COG7: variants seen among roughly 807,000 people sequenced by gnomAD.
COG7 encodes component of oligomeric golgi complex 7, also known as conserved oligomeric Golgi complex subunit 7.
A neutral mutation model predicts 91.5 loss-of-function variants in COG7; 49 were observed. That is an observed-to-expected ratio of 0.54 (90% confidence interval 0.43 to 0.68). The LOEUF (loss-of-function observed/expected upper bound fraction) is 0.68, where lower values mean the gene tolerates loss of function less well. Ranked by LOEUF, COG7 falls within the 30% of genes least tolerant of loss-of-function variation. The pLI, the probability that COG7 is intolerant of heterozygous loss-of-function variation, is 0.00. For missense variants in COG7, 895 were observed against 961.3 expected (o/e 0.93, Z 0.91); for synonymous variants, 365 against 388.7 (o/e 0.94, Z 0.72).
intron 4 of COG7, among the ~76,000 whole-genome samples, chr16:23,440,878 G>C (rs1964090048): frequency 6.6e-6 from 1 of 152,054 alleles, no homozygotes; most frequent in Non-Finnish European, 1.5e-5. Context: ...AGATACTTCA[G>C]AAAACCCCAT....
chr16:23,434,334 C>T (rs116208634), intron 5 of COG7, among the ~76,000 whole-genome samples: 195 of 152,206 alleles, frequency 1.3e-3, no homozygotes, highest in African/African-American at 4.6e-3. Context: ...TGTAATAAAG[C>T]TTAAGACATA....
chr16:23,424,205 G>A (rs1416957133), intron 7 of COG7, among the ~76,000 whole-genome samples: 4 of 149,930 alleles, frequency 2.7e-5, no homozygotes, highest in African/African-American at 9.8e-5. Flanking sequence ...GCTGAGGCAG[G>A]AGAATTGCTT....
At chr16:23,440,207 G>A (rs140710555) in intron 4 of COG7, among the ~76,000 whole-genome samples, 26 of 152,068 alleles carry the variant, frequency 1.7e-4, no homozygotes, top group African/African-American at 6.0e-4. Flanking sequence ...TGGCCAACAT[G>A]GCAAAACCCC....
intron 11 of COG7, among the ~76,000 whole-genome samples, chr16:23,408,268 T>G (rs1430488953): frequency 2.4e-4 from 1 of 4,192 alleles, no homozygotes; most frequent in African/African-American, 1.1e-3. Flanking sequence ...AGGGGGCGAG[T>G]GGGGCGGGAG....
intron 1 of COG7, among the ~76,000 whole-genome samples, chr16:23,449,255 C>T (rs1252379279): frequency 3.3e-5 from 5 of 151,646 alleles, no homozygotes; most frequent in South Asian, 2.1e-4. Flanking sequence ...CCCAGCTACT[C>T]GGGAGGCTGA....
chr16:23,442,177 T>C (rs1165727350), intron 4 of COG7, among the ~76,000 whole-genome samples: 1 of 151,822 alleles, frequency 6.6e-6, no homozygotes, highest in Non-Finnish European at 1.5e-5. Flanking sequence ...CTATTCAAAA[T>C]ACAAAAATTA....
chr16:23,405,952 T>C (rs1358030724), intron 12 of COG7, 124 bp downstream of exon 12: 2 of 829,504 alleles, frequency 2.4e-6, no homozygotes, highest in East Asian at 4.8e-5. Flanking sequence ...GACAGAGAGG[T>C]AGTAGCAGGG....
chr16:23,416,848 T>G (rs1042561312), intron 9 of COG7, 119 bp downstream of exon 9: 3 of 1,138,872 alleles, frequency 2.6e-6, no homozygotes, highest in Non-Finnish European at 3.9e-6. Flanking sequence ...AACATCCTCT[T>G]GGGTTCAGGT....
At chr16:23,436,707 C>T (rs1362724010) in intron 4 of COG7, among the ~76,000 whole-genome samples, 1 of 152,148 alleles carries the variant, frequency 6.6e-6, no homozygotes, top group African/African-American at 2.4e-5. Context: ...GCCTGGGCAA[C>T]AGAGTGTAGA....
In COG7 at chr16:23,398,048, T is replaced by G. The variant is rs755429710; in HGVS notation, c.1885A>C (p.Asn629His). 6.2e-7 allele frequency: 1 copy of G among 1,613,760 alleles called. No homozygotes were observed. Among genetic ancestry groups the G allele is most frequent in the Non-Finnish European group, 8.5e-7 (1 of 1,179,664 alleles). The change falls in exon 14 of 17, where the codon AAC becomes CAC. Residue 629 changes from asparagine (N) to histidine (H), a missense_variant and splice_region_variant. Coordinates refer to ENST00000307149, the MANE Select transcript of COG7 (RefSeq NM_153603.4). ...FSLTPLEYISNIGQYIMSLPL... is the reference protein window; with the variant it reads ...FSLTPLEYISHIGQYIMSLPL... ...GAGAAGCACACAGAAGCTCTTACGTTGCTGATGTACTCGAGAGGGGTGAGA... is the reference window on the plus strand; with the variant it reads ...GAGAAGCACACAGAAGCTCTTACGTGGCTGATGTACTCGAGAGGGGTGAGA...
At chr16:23,407,500 G>A (rs1185295152) in intron 11 of COG7, among the ~76,000 whole-genome samples, 1 of 152,208 alleles carries the variant, frequency 6.6e-6, no homozygotes, top group East Asian at 1.9e-4. Context: ...CAAAGATAGT[G>A]CTTCACAGGG....
At chr16:23,403,270 C>T (rs1304662118) in intron 13 of COG7, among the ~76,000 whole-genome samples, 2 of 152,196 alleles carry the variant, frequency 1.3e-5, no homozygotes, top group Admixed American at 1.3e-4. Flanking sequence ...CTCAAAAACA[C>T]AAGTTCAATT....
At chr16:23,434,856 T>C in intron 4 of COG7, 138 bp from the exon 5 acceptor site, 1 of 683,254 alleles carries the variant, frequency 1.5e-6, no homozygotes, top group South Asian at 1.5e-5. Flanking sequence ...AACTCATGCA[T>C]GAGGATCATA....
intron 4 of COG7, among the ~76,000 whole-genome samples, chr16:23,438,113 G>A (rs1964040773): frequency 2.6e-5 from 4 of 151,534 alleles, no homozygotes; most frequent in South Asian, 4.2e-4. Flanking sequence ...TAAAAACTTG[G>A]GCATCAAAAG....
At chr16:23,429,704 C>T (rs1963904330) in intron 6 of COG7, among the ~76,000 whole-genome samples, 1 of 152,038 alleles carries the variant, frequency 6.6e-6, no homozygotes, top group Non-Finnish European at 1.5e-5. Context: ...GCGGAGGTTG[C>T]AGTGAGCCAA....
intron 4 of COG7, among the ~76,000 whole-genome samples, chr16:23,435,811 C>T (rs886819322): frequency 4.6e-5 from 7 of 152,230 alleles, no homozygotes; most frequent in African/African-American, 1.2e-4. Flanking sequence ...CCCAGCTAAG[C>T]GCTGGAGACC....
intron 4 of COG7, among the ~76,000 whole-genome samples, chr16:23,440,646 G>A (rs964847035): frequency 2.6e-5 from 4 of 151,746 alleles, no homozygotes; most frequent in South Asian, 2.1e-4. Context: ...TTGTAGAGAC[G>A]GGGTCTTGCT....
In COG7 at chr16:23,398,197, A is replaced by T. The variant is rs568581060; in HGVS notation, c.1804-68T>A. ...GGCAGCTGTGAAGACGCCACCCAGA[A>T]ATACACAAGAAGAACATGGCCTTCC... On this transcript the variant is annotated intron_variant, in intron 13 of 16. Coordinates refer to ENST00000307149, the MANE Select transcript of COG7 (RefSeq NM_153603.4). 1,881 of 1,261,350 alleles carry T rather than the reference A, an allele frequency of 1.5e-3. 10 individuals are homozygous for T. Among genetic ancestry groups the T allele is most frequent in the Non-Finnish European group, 1.0e-3 (864 of 863,282 alleles). 78.1% of individuals were successfully genotyped at this position (1,261,350 alleles called of 1,614,324 possible).
chr16:23,432,460 T>TGAAATAGA (rs1361539830), intron 6 of COG7, among the ~76,000 whole-genome samples: 1 of 151,900 alleles, frequency 6.6e-6, no homozygotes, highest in Non-Finnish European at 1.5e-5. Context: ...GCTCTCTATC[T>TGAAATAGA]GAGTGCTATT....
Sources: gnomAD v4.1 joint callset for allele counts (sites outside exome capture counted in the v4.1 genomes callset) on GRCh38, gnomAD v4.1.1 for gene constraint, MANE v1.5 for transcripts, NCBI Gene and HGNC (gene_info 2026-07-23, HGNC 2026-07-21) for gene names.